The following SIPA1L3 variants were observed in gnomAD, a reference collection of about 807,000 sequenced individuals.
SIPA1L3 encodes signal induced proliferation associated 1 like 3.
A neutral mutation model predicts 150.1 loss-of-function variants in SIPA1L3; 59 were observed. The observed-to-expected ratio is 0.39, with a 90% CI of 0.32 to 0.49. The LOEUF (loss-of-function observed/expected upper bound fraction) is 0.49. Ranked by LOEUF, SIPA1L3 falls within the 20% of genes least tolerant of loss-of-function variation. SIPA1L3 has a pLI of 0.86. For missense variants in SIPA1L3, 2,211 were observed against 2,489.5 expected (o/e 0.89, Z 2.38); for synonymous variants, 1,070 against 1,077.6 (o/e 0.99, Z 0.14).
At chr19:38,137,990 G>A (rs896923459) in intron 10 of SIPA1L3, among the ~76,000 whole-genome samples, 51 of 152,190 alleles carry the variant, frequency 3.4e-4, no homozygotes, top group African/African-American at 1.1e-3. Flanking sequence ...AATTAGCCAG[G>A]CATGGTGGCA....
chr19:38,150,529 CTT>C lies in SIPA1L3; in HGVS notation c.3534-2291_3534-2290del, dbSNP rs201046693. Among the ~76,000 whole-genome samples the C allele has an allele frequency of 2.3e-3, 271 of 119,804 alleles. 2 individuals are homozygous for C. The highest frequency in any genetic ancestry group is 6.4e-3 in the African/African-American group (209 of 32,720). 78.6% of individuals were successfully genotyped at this position (119,804 alleles called of 152,430 possible). On this transcript the variant is annotated intron_variant, in intron 12 of 21. Coordinates refer to ENST00000222345, the MANE Select transcript of SIPA1L3 (RefSeq NM_015073.3). ...CAACCAGGGAATTGCAATATCAACACTTTTTTTTTTTTTTTTTTTTTGAAATG... is the reference window on the plus strand; with the variant it reads ...CAACCAGGGAATTGCAATATCAACACTTTTTTTTTTTTTTTTTTTGAAATG...
chr19:38,145,627 A>T (rs1339609645), intron 12 of SIPA1L3, among the ~76,000 whole-genome samples: 1 of 152,102 alleles, frequency 6.6e-6, no homozygotes, highest in African/African-American at 2.4e-5. Context: ...GTATGGTTAT[A>T]ACGCAATATC....
At chr19:38,064,080 T>G (rs1253239782) in intron 2 of SIPA1L3, among the ~76,000 whole-genome samples, 8 of 152,252 alleles carry the variant, frequency 5.3e-5, no homozygotes, top group Non-Finnish European at 1.0e-4. Flanking sequence ...CTGGCATTTG[T>G]GCCCATACTC....
intron 8 of SIPA1L3, among the ~76,000 whole-genome samples, chr19:38,115,841 G>C (rs1970869520): frequency 2.6e-5 from 4 of 152,152 alleles, no homozygotes; most frequent in Admixed American, 2.6e-4. Context: ...TCTGTGTGTT[G>C]ATTTGGTATG....
intron 1 of SIPA1L3, among the ~76,000 whole-genome samples, chr19:38,028,028 T>C (rs1404361678): frequency 6.6e-6 from 1 of 152,084 alleles, no homozygotes; most frequent in African/African-American, 2.4e-5. Context: ...GGCCATTGCA[T>C]ATAGGACAGC....
chr19:38,095,568 A>G (rs1222644179), intron 4 of SIPA1L3, among the ~76,000 whole-genome samples: 1 of 152,144 alleles, frequency 6.6e-6, no homozygotes, highest in South Asian at 2.1e-4. Flanking sequence ...AGCTGATGCC[A>G]GATGTTTTCA....
chr19:38,071,982 G>A (rs1338952543), intron 2 of SIPA1L3, among the ~76,000 whole-genome samples: 1 of 152,234 alleles, frequency 6.6e-6, no homozygotes, highest in Non-Finnish European at 1.5e-5. Context: ...GGGTAGGGGG[G>A]TTTGGAACTC....
intron 1 of SIPA1L3, among the ~76,000 whole-genome samples, chr19:37,937,365 C>T (rs762288004): frequency 1.3e-5 from 2 of 152,130 alleles, no homozygotes; most frequent in Non-Finnish European, 2.9e-5. Context: ...ATTCACTTTC[C>T]TGCCTGCTCT....
At chr19:38,022,287 G>C (rs1968388524) in intron 1 of SIPA1L3, among the ~76,000 whole-genome samples, 2 of 152,244 alleles carry the variant, frequency 1.3e-5, no homozygotes, top group Non-Finnish European at 2.9e-5. Context: ...ACAGAGCCGG[G>C]AATGGTGGCA....
At chr19:38,159,831 C>T (rs1050335010) in intron 13 of SIPA1L3, among the ~76,000 whole-genome samples, 2 of 152,244 alleles carry the variant, frequency 1.3e-5, no homozygotes, top group African/African-American at 4.8e-5. Flanking sequence ...ACAGAACACA[C>T]GCTTAATGGG....
chr19:37,991,843 G>T (rs1276386931), intron 1 of SIPA1L3, among the ~76,000 whole-genome samples: 1 of 152,220 alleles, frequency 6.6e-6, no homozygotes, highest in Non-Finnish European at 1.5e-5. Flanking sequence ...TGAGGCTGTG[G>T]AGCCTTGCAG....
chr19:38,182,146 A>C (rs1030592271), intron 15 of SIPA1L3, among the ~76,000 whole-genome samples: 6 of 151,766 alleles, frequency 4.0e-5, no homozygotes, highest in African/African-American at 1.5e-4. Context: ...CAAAAAAAAA[A>C]AAAGAAAGGT....
intron 4 of SIPA1L3, among the ~76,000 whole-genome samples, chr19:38,095,484 G>A (rs1161192670): frequency 6.6e-6 from 1 of 152,176 alleles, no homozygotes. Flanking sequence ...GGGATAACCT[G>A]TACCAGCTGG....
At chr19:37,934,360 A>G (rs1483988554) in intron 1 of SIPA1L3, among the ~76,000 whole-genome samples, 2 of 152,120 alleles carry the variant, frequency 1.3e-5, no homozygotes, top group East Asian at 1.9e-4. Flanking sequence ...CATTTAACAC[A>G]TATGTCCCTT....
At position 38,204,221 on chromosome 19, in the gene SIPA1L3, G is replaced by A. The variant is rs1438969857; in HGVS notation, c.5202+13G>A. 3.2e-6 allele frequency: 5 copies of A among 1,550,276 alleles called. No individual in the cohort carries two copies. Among genetic ancestry groups the A allele is most frequent in the Admixed American group, 1.9e-5 (1 of 51,542 alleles). On this transcript the variant is annotated intron_variant, in intron 21 of 21. Coordinates refer to ENST00000222345, the MANE Select transcript of SIPA1L3 (RefSeq NM_015073.3). ...TGACCTGCAGAAGGTAAGGCCGGGG[G>A]CCACGCCCTCTCCATCCCACTTCCC...
At chr19:38,068,706 A>C (rs539636025) in intron 2 of SIPA1L3, among the ~76,000 whole-genome samples, 13 of 152,222 alleles carry the variant, frequency 8.5e-5, no homozygotes, top group Admixed American at 3.3e-4. Context: ...TTAAGTAAAA[A>C]ATTAGCCGGT....
At chr19:38,160,328 G>A (rs768797767) in intron 13 of SIPA1L3, among the ~76,000 whole-genome samples, 2 of 151,278 alleles carry the variant, frequency 1.3e-5, no homozygotes, top group Middle Eastern at 3.5e-3. Context: ...TTTTTTTAAG[G>A]TCAGCAAGAT....
At position 38,141,362 on chromosome 19, in the gene SIPA1L3, C is replaced by G. The variant is rs200306046; in HGVS notation, c.3322C>G (p.Gln1108Glu). ...WATPTTPGHAQSLSRPLKQTP... is the reference protein window; with the variant it reads ...WATPTTPGHAESLSRPLKQTP... ...CACTCCAACCACTCCCGGCCATGCC[C>G]AGTCCCTGAGCCGGCCCCTGAAGCA... Residue 1108 changes from glutamine (Q) to glutamate (E), a missense_variant, in exon 11 of 22, where the codon CAG becomes GAG. This residue lies in a region of SIPA1L3 where 806 missense variants were observed against 870.1 expected (regional missense o/e 0.93). Coordinates refer to ENST00000222345, the MANE Select transcript of SIPA1L3 (RefSeq NM_015073.3). 1.2e-5 allele frequency: 19 copies of G among 1,613,982 alleles called. No homozygotes were observed. The highest frequency in any genetic ancestry group is 1.5e-5 in the Non-Finnish European group (18 of 1,180,012).
intron 4 of SIPA1L3, among the ~76,000 whole-genome samples, chr19:38,089,244 A>C (rs1970208120): frequency 6.8e-6 from 1 of 148,122 alleles, no homozygotes; most frequent in Non-Finnish European, 1.5e-5. Flanking sequence ...CTTGAACCTG[A>C]GAGGCAGAGG....
Sources: gnomAD v4.1 joint callset for allele counts (sites outside exome capture counted in the v4.1 genomes callset) on GRCh38, gnomAD v4.1.1 for gene constraint, gnomAD v4.1.1 regional missense constraint, MANE v1.5 for transcripts, NCBI Gene and HGNC (gene_info 2026-07-23, HGNC 2026-07-21) for gene names.